Variants in PGBD2 observed in about 807,000 individuals in gnomAD.
PGBD2 encodes piggyBac transposable element derived 2.
In PGBD2, 6 loss-of-function variants were observed where a neutral mutation model predicts 8.1. The ratio of observed to expected loss-of-function variants is 0.74; its 90% CI spans 0.40 to 1.46. PGBD2 has a LOEUF of 1.46. Among genes scored for constraint, PGBD2 ranks in the 40% most tolerant of loss-of-function variants. The pLI is 0.02. For synonymous variants in PGBD2, 318 were observed against 272.2 expected, an observed-to-expected ratio of 1.17 and a Z score of -1.66; for missense variants, 802 against 739.0, an observed-to-expected ratio of 1.09 and a Z score of -0.99.
chr1:248,896,224 C>T, the PGBD2 span, among the ~76,000 whole-genome samples: 1 of 152,008 alleles, frequency 6.6e-6, no homozygotes, highest in East Asian at 1.9e-4. Context: ...AAATAGGCTC[C>T]CTGGTTCTCA....
At chr1:248,873,901 C>CA in the PGBD2 span, among the ~76,000 whole-genome samples, 1 of 152,316 alleles carries the variant, frequency 6.6e-6, no homozygotes, top group African/African-American at 2.4e-5. Context: ...AGGTAAGCAC[C>CA]TTGCCTGCGG....
At chr1:248,911,626 T>C (rs1661882431) in intron 1 of PGBD2, among the ~76,000 whole-genome samples, 1 of 146,308 alleles carries the variant, frequency 6.8e-6, no homozygotes, top group South Asian at 2.1e-4. Flanking sequence ...CTCAATGAGC[T>C]GTTGGGCACA....
chr1:248,903,230 A>C (rs1661564596), upstream of PGBD2, among the ~76,000 whole-genome samples: 3 of 152,118 alleles, frequency 2.0e-5, no homozygotes, highest in South Asian at 6.2e-4. Flanking sequence ...ACAGGGTCTC[A>C]TTCTGTCACC....
the PGBD2 span, among the ~76,000 whole-genome samples, chr1:248,885,290 A>C: frequency 6.6e-6 from 1 of 150,556 alleles, no homozygotes. Flanking sequence ...ATGAGCCACG[A>C]TGTCTGGCTA....
At chr1:248,888,811 C>G in the PGBD2 span, among the ~76,000 whole-genome samples, 979 of 152,208 alleles carry the variant, frequency 6.4e-3, 11 homozygotes, top group African/African-American at 0.022. Flanking sequence ...AAATTATTTG[C>G]CAAGGCGAAT....
chr1:248,902,996 C>T (rs146821901), upstream of PGBD2, among the ~76,000 whole-genome samples: 1,467 of 152,148 alleles, frequency 9.6e-3, 17 homozygotes, highest in Non-Finnish European at 0.015. Flanking sequence ...ACCCTGCACA[C>T]GTACCCCTGA....
downstream of PGBD2, among the ~76,000 whole-genome samples, chr1:248,923,318 T>C (rs1443786159): frequency 6.6e-6 from 1 of 152,240 alleles, no homozygotes; most frequent in African/African-American, 2.4e-5. Context: ...CTATATGCTT[T>C]CTTATTGCGT....
At chr1:248,914,675 G>A (rs1662028288) in intron 2 of PGBD2, 5 of 1,113,524 alleles carry the variant, frequency 4.5e-6, no homozygotes, top group Admixed American at 2.5e-5. Context: ...GGACCTCTGT[G>A]CCTACCCTCC....
chr1:248,906,189 G>A (rs1661625152), upstream of PGBD2: 1 of 152,034 alleles, frequency 6.6e-6, no homozygotes, highest in African/African-American at 2.4e-5. Flanking sequence ...TGGCCCGGGG[G>A]CGTGGCATGG....
At chr1:248,897,492 T>C in the PGBD2 span, among the ~76,000 whole-genome samples, 1 of 152,134 alleles carries the variant, frequency 6.6e-6, no homozygotes, top group Non-Finnish European at 1.5e-5. Flanking sequence ...TGCTATTTCT[T>C]TACGGCACTG....
At chr1:248,890,908 C>G in the PGBD2 span, among the ~76,000 whole-genome samples, 1 of 151,158 alleles carries the variant, frequency 6.6e-6, no homozygotes. Context: ...CACAGATACA[C>G]ACATGCACCA....
At chr1:248,894,891 G>A in the PGBD2 span, among the ~76,000 whole-genome samples, 2 of 151,986 alleles carry the variant, frequency 1.3e-5, no homozygotes, top group Admixed American at 1.3e-4. Flanking sequence ...AAACTCCTGT[G>A]CTCATGTGAT....
upstream of PGBD2, among the ~76,000 whole-genome samples, chr1:248,903,687 GGT>G (rs1661572664): frequency 6.6e-6 from 1 of 152,140 alleles, no homozygotes; most frequent in African/African-American, 2.4e-5. Flanking sequence ...TTTGGCATCT[GGT>G]TCTTTCTTCA....
the PGBD2 span, among the ~76,000 whole-genome samples, chr1:248,929,471 C>A: frequency 6.6e-6 from 1 of 152,168 alleles, no homozygotes; most frequent in Admixed American, 6.5e-5. Flanking sequence ...CACTTTATCA[C>A]CCCAGGGTTC....
chr1:248,911,158 C>T (rs1418650580), intron 1 of PGBD2, among the ~76,000 whole-genome samples: 1 of 150,696 alleles, frequency 6.6e-6, no homozygotes, highest in African/African-American at 2.4e-5. Context: ...TTGGGTGTTT[C>T]TCGGAGAGGG....
the PGBD2 span, among the ~76,000 whole-genome samples, chr1:248,877,861 T>G: frequency 6.6e-6 from 1 of 152,182 alleles, no homozygotes; most frequent in Non-Finnish European, 1.5e-5. Flanking sequence ...AGAAGTGATG[T>G]TGAGGTTAAA....
At chr1:248,887,456 C>A in the PGBD2 span, among the ~76,000 whole-genome samples, 1 of 152,156 alleles carries the variant, frequency 6.6e-6, no homozygotes, top group Non-Finnish European at 1.5e-5. Context: ...AGAGGACATG[C>A]ATTTGGCAAG....
downstream of PGBD2, among the ~76,000 whole-genome samples, chr1:248,922,062 CTT>C (rs977032872): frequency 1.4e-4 from 20 of 138,986 alleles, no homozygotes; most frequent in East Asian, 4.2e-4. Context: ...TTTCTTTTTT[CTT>C]TTTTTTTTTT....
intron 2 of PGBD2, chr1:248,914,429 G>A (rs947278376): frequency 2.1e-5 from 26 of 1,256,444 alleles, no homozygotes; most frequent in Non-Finnish European, 2.5e-5. Flanking sequence ...TCTTTTTCTG[G>A]CCCATGCAGA....
Sources: allele counts gnomAD v4.1 joint callset (sites outside exome capture counted in the v4.1 genomes callset), GRCh38; gene constraint gnomAD v4.1.1; transcripts MANE v1.5; gene names NCBI Gene and HGNC (gene_info 2026-07-23, HGNC 2026-07-21).